SPOCK3: variants seen among roughly 807,000 people sequenced by gnomAD.
SPOCK3 encodes SPARC (osteonectin), cwcv and kazal like domains proteoglycan 3, also known as testican-3.
A neutral mutation model predicts 56.6 loss-of-function variants in SPOCK3; 30 were observed. That is an observed-to-expected ratio of 0.53 (90% confidence interval 0.40 to 0.72). The LOEUF (loss-of-function observed/expected upper bound fraction) is 0.72. SPOCK3 is among the 30% of genes least tolerant of loss of function. The pLI is 0.00. For synonymous variants in SPOCK3, 196 were observed against 183.3 expected (o/e 1.07, Z -0.56); for missense variants, 527 against 530.0 (o/e 0.99, Z 0.06).
At chr4:166,909,005 G>C (rs1329638903) in intron 5 of SPOCK3, among the ~76,000 whole-genome samples, 1 of 151,846 alleles carries the variant, frequency 6.6e-6, no homozygotes, top group Admixed American at 6.6e-5. Flanking sequence ...AGAGAACACT[G>C]GTTCTTTTAA....
At chr4:167,084,531 G>C (rs1039406847) in intron 2 of SPOCK3, among the ~76,000 whole-genome samples, 6 of 152,116 alleles carry the variant, frequency 3.9e-5, no homozygotes, top group Non-Finnish European at 8.8e-5. Context: ...CTTGACAGCT[G>C]CTTTTGCAAC....
intron 7 of SPOCK3, among the ~76,000 whole-genome samples, chr4:166,772,300 TG>T (rs1437735028): frequency 6.6e-6 from 1 of 152,142 alleles, no homozygotes; most frequent in Non-Finnish European, 1.5e-5. Context: ...TGCTATCTGC[TG>T]TATTTCCAAA....
chr4:166,842,825 G>T (rs767488032), intron 6 of SPOCK3, among the ~76,000 whole-genome samples: 6 of 152,220 alleles, frequency 3.9e-5, no homozygotes, highest in Admixed American at 6.5e-5. Context: ...TGCCAGTCCC[G>T]CACTGCCGGC....
At chr4:166,898,309 G>C (rs899582715) in intron 5 of SPOCK3, among the ~76,000 whole-genome samples, 2 of 152,078 alleles carry the variant, frequency 1.3e-5, no homozygotes, top group African/African-American at 4.8e-5. Context: ...GGGGAGGAAG[G>C]GTTGTTATCT....
intron 7 of SPOCK3, among the ~76,000 whole-genome samples, chr4:166,779,965 A>C (rs1254082529): frequency 6.6e-6 from 1 of 152,212 alleles, no homozygotes; most frequent in African/African-American, 2.4e-5. Context: ...GTGAAGAAAA[A>C]AATAATTGAA....
At chr4:167,206,461 A>C (rs1191165833) in intron 2 of SPOCK3, among the ~76,000 whole-genome samples, 1 of 152,096 alleles carries the variant, frequency 6.6e-6, no homozygotes, top group Admixed American at 6.6e-5. Flanking sequence ...TTCTTATTAA[A>C]TGACAGCTGA....
At chr4:167,199,425 C>G (rs1285727151) in intron 2 of SPOCK3, among the ~76,000 whole-genome samples, 2 of 151,942 alleles carry the variant, frequency 1.3e-5, no homozygotes, top group Non-Finnish European at 2.9e-5. Flanking sequence ...CCTGGGTTAC[C>G]CATATTCAAA....
intron 6 of SPOCK3, among the ~76,000 whole-genome samples, chr4:166,819,896 A>G (rs1232858522): frequency 1.3e-5 from 2 of 151,768 alleles, no homozygotes; most frequent in Non-Finnish European, 2.9e-5. Context: ...AATATTTATA[A>G]TTTTTCGTAG....
chr4:166,893,557 A>T (rs1735016817), intron 5 of SPOCK3, among the ~76,000 whole-genome samples: 3 of 151,934 alleles, frequency 2.0e-5, no homozygotes, highest in Admixed American at 2.0e-4. Flanking sequence ...TTTTCAAGTG[A>T]AGTTTAGAGA....
At chr4:166,962,538 T>A (rs1273708419) in intron 4 of SPOCK3, among the ~76,000 whole-genome samples, 2 of 152,098 alleles carry the variant, frequency 1.3e-5, no homozygotes, top group Non-Finnish European at 2.9e-5. Flanking sequence ...CCATTTGCAA[T>A]GAAATATTTT....
chr4:167,076,690 A>G (rs1189912019), intron 2 of SPOCK3, among the ~76,000 whole-genome samples: 1 of 151,816 alleles, frequency 6.6e-6, no homozygotes, highest in Admixed American at 6.6e-5. Flanking sequence ...CAATTTTAAA[A>G]AACTGTACAA....
intron 3 of SPOCK3, among the ~76,000 whole-genome samples, chr4:167,028,525 T>C (rs1179937154): frequency 6.6e-6 from 1 of 152,096 alleles, no homozygotes; most frequent in Non-Finnish European, 1.5e-5. Context: ...CCTTATATTG[T>C]TGTTCTGCCA....
intron 6 of SPOCK3, among the ~76,000 whole-genome samples, chr4:166,848,190 T>C (rs191290850): frequency 6.6e-6 from 1 of 152,332 alleles, no homozygotes; most frequent in African/African-American, 2.4e-5. Context: ...AATGCTCATA[T>C]TGCAAGTTAC....
At chr4:166,994,190 G>C (rs896624631) in intron 4 of SPOCK3, among the ~76,000 whole-genome samples, 4 of 152,058 alleles carry the variant, frequency 2.6e-5, no homozygotes, top group Non-Finnish European at 5.9e-5. Context: ...AATATACAAC[G>C]TGTTTAGGAA....
At chr4:166,961,430 C>T (rs746741638) in intron 4 of SPOCK3, among the ~76,000 whole-genome samples, 7 of 151,582 alleles carry the variant, frequency 4.6e-5, no homozygotes, top group Admixed American at 6.6e-5. Context: ...AGTGGGGGGT[C>T]ATAAAAATAA....
chr4:166,740,339 T>G (rs1579078341), intron 9 of SPOCK3, among the ~76,000 whole-genome samples: 1 of 7,314 alleles, frequency 1.4e-4, no homozygotes, highest in South Asian at 5.3e-3. Flanking sequence ...GAACTAAGTA[T>G]TTTTTTATAC....
At chr4:167,195,086 GC>G (rs1732817011) in intron 2 of SPOCK3, among the ~76,000 whole-genome samples, 1 of 152,134 alleles carries the variant, frequency 6.6e-6, no homozygotes, top group Non-Finnish European at 1.5e-5. Flanking sequence ...GGGCAGTACT[GC>G]CCCAGAGCAT....
rs143047634 is a variant in SPOCK3 at position 166,998,459 on chromosome 4, G to A, written c.350+1890C>T. 2.8e-4 allele frequency among the ~76,000 whole-genome samples: 42 copies of A among 152,246 alleles called. No homozygotes were observed. The East Asian group carries it at 8.1e-3, about 29-fold the overall frequency. On this transcript the variant is annotated intron_variant, in intron 4 of 10. Transcript: ENST00000357545. ...TTAAGCTGTTTAATAAGTCAGAGAA[G>A]TAACGAGACAGCATAGTGGTAAAAA...
chr4:166,755,268 G>A (rs2126496326), intron 7 of SPOCK3, among the ~76,000 whole-genome samples: 1 of 152,184 alleles, frequency 6.6e-6, no homozygotes. Context: ...TAATCATCAT[G>A]TAATTTACAC....
Sources: gnomAD v4.1 joint callset for allele counts (sites outside exome capture counted in the v4.1 genomes callset) on GRCh38, gnomAD v4.1.1 for gene constraint, MANE v1.5 for transcripts, NCBI Gene and HGNC (gene_info 2026-07-23, HGNC 2026-07-21) for gene names.